The following XKR4 variants were observed in gnomAD, a reference collection of about 807,000 sequenced individuals.
The protein encoded by XKR4 is XK-related protein 4.
XKR4 carries 12 observed loss-of-function variants against 53.9 expected under a neutral mutation model. That is an observed-to-expected ratio of 0.22 (90% CI 0.14 to 0.36). XKR4 has a LOEUF of 0.36. Ranked by LOEUF, XKR4 falls within the 10% of genes least tolerant of loss-of-function variation. The pLI is 1.00. For missense variants in XKR4, 799 were observed against 859.5 expected (o/e 0.93, Z 0.88); for synonymous variants, 354 against 362.4 (o/e 0.98, Z 0.26).
intron 1 of XKR4, among the ~76,000 whole-genome samples, chr8:55,151,136 C>G (rs1009557020): frequency 9.2e-5 from 14 of 152,196 alleles, no homozygotes; most frequent in Non-Finnish European, 1.9e-4. Flanking sequence ...AGGTAATACA[C>G]ACCCCAAATC....
chr8:55,451,823 G>T, intron 2 of XKR4: 1 of 935,402 alleles, frequency 1.1e-6, no homozygotes. Flanking sequence ...TCCACCAGGA[G>T]GCTGCTCATG....
At chr8:55,429,094 A>G (rs1805061068) in intron 2 of XKR4, among the ~76,000 whole-genome samples, 1 of 152,228 alleles carries the variant, frequency 6.6e-6, no homozygotes, top group Non-Finnish European at 1.5e-5. Context: ...TATACCCACA[A>G]ATATATAGAC....
At chr8:55,383,378 G>A (rs1804263393) in intron 2 of XKR4, among the ~76,000 whole-genome samples, 1 of 152,140 alleles carries the variant, frequency 6.6e-6, no homozygotes, top group African/African-American at 2.4e-5. Flanking sequence ...CTGATTCTCA[G>A]TACATATAGC....
chr8:55,239,270 A>G (rs1489312921), intron 1 of XKR4, among the ~76,000 whole-genome samples: 2 of 152,200 alleles, frequency 1.3e-5, no homozygotes, highest in African/African-American at 2.4e-5. Flanking sequence ...TTATACATGA[A>G]GTATCTTGTT....
chr8:55,356,437 A>C (rs1447129781), intron 1 of XKR4, among the ~76,000 whole-genome samples: 1 of 152,220 alleles, frequency 6.6e-6, no homozygotes, highest in Non-Finnish European at 1.5e-5. Context: ...TTAAAAGGAC[A>C]TGGAAGGATA....
chr8:55,106,315 C>A (rs1816146095), intron 1 of XKR4, among the ~76,000 whole-genome samples: 1 of 152,104 alleles, frequency 6.6e-6, no homozygotes, highest in African/African-American at 2.4e-5. Flanking sequence ...TGTTACAATG[C>A]AACTGCTAAA....
intron 1 of XKR4, among the ~76,000 whole-genome samples, chr8:55,169,976 T>C (rs575599916): frequency 2.6e-5 from 4 of 152,372 alleles, no homozygotes; most frequent in South Asian, 2.1e-4. Context: ...CATTTTATAA[T>C]GTTGCATATA....
intron 1 of XKR4, among the ~76,000 whole-genome samples, chr8:55,268,845 A>C (rs1177468251): frequency 2.6e-5 from 4 of 152,208 alleles, no homozygotes; most frequent in Non-Finnish European, 5.9e-5. Flanking sequence ...GTGGTTCTAC[A>C]TAAATGAATT....
chr8:55,520,594 C>T (rs1404580440), intron 2 of XKR4, among the ~76,000 whole-genome samples: 1 of 152,180 alleles, frequency 6.6e-6, no homozygotes, highest in African/African-American at 2.4e-5. Context: ...TCATCATCAT[C>T]ATCATCAACA....
intron 2 of XKR4, among the ~76,000 whole-genome samples, chr8:55,390,438 G>A (rs766886872): frequency 6.6e-6 from 1 of 152,108 alleles, no homozygotes; most frequent in Admixed American, 6.6e-5. Flanking sequence ...CTGCATTTTT[G>A]TTCCATCAAC....
At chr8:55,482,455 G>C (rs554241628) in intron 2 of XKR4, among the ~76,000 whole-genome samples, 1 of 152,126 alleles carries the variant, frequency 6.6e-6, no homozygotes, top group South Asian at 2.1e-4. Context: ...TAAATGACGA[G>C]TTAATGGGTG....
chr8:55,406,339 A>T (rs1563342446), intron 2 of XKR4, among the ~76,000 whole-genome samples: 1 of 152,198 alleles, frequency 6.6e-6, no homozygotes, highest in African/African-American at 2.4e-5. Flanking sequence ...ACCTATCAGC[A>T]TTAACTGTGC....
chr8:55,520,227 A>G (rs529492782), intron 2 of XKR4, among the ~76,000 whole-genome samples: 1 of 152,354 alleles, frequency 6.6e-6, no homozygotes. Flanking sequence ...ATGACCCCAT[A>G]TTTTCTGTTC....
chr8:55,488,944 A>C lies in XKR4; in HGVS notation c.1007-34337A>C, dbSNP rs1441761363. On this transcript the variant is annotated intron_variant, in intron 2 of 2. Coordinates refer to ENST00000327381, the MANE Select transcript of XKR4 (RefSeq NM_052898.2). Reference sequence around the variant, plus strand: ...CAGAGCGAGACTCCGTTTCAAAAAAAAAAAAAAAAAAAAAAAAAAGACCAA... The same window carrying C: ...CAGAGCGAGACTCCGTTTCAAAAAACAAAAAAAAAAAAAAAAAAAGACCAA... Among the ~76,000 whole-genome samples the C allele has an allele frequency of 1.3e-5, 2 of 149,914 alleles. 1 individual carries two copies. Among genetic ancestry groups the C allele is most frequent in the African/African-American group, 4.9e-5 (2 of 40,562 alleles).
At chr8:55,515,519 T>C (rs569943547) in intron 2 of XKR4, among the ~76,000 whole-genome samples, 2 of 152,158 alleles carry the variant, frequency 1.3e-5, no homozygotes, top group Non-Finnish European at 2.9e-5. Flanking sequence ...ACTGCAGAAA[T>C]GGGAAACCAT....
At chr8:55,418,707 C>A (rs1009601814) in intron 2 of XKR4, among the ~76,000 whole-genome samples, 5 of 152,192 alleles carry the variant, frequency 3.3e-5, no homozygotes, top group African/African-American at 1.2e-4. Flanking sequence ...TCGGACCCTC[C>A]ATGACCCACC....
chr8:55,392,075 C>T (rs1418713786), intron 2 of XKR4, among the ~76,000 whole-genome samples: 2 of 152,140 alleles, frequency 1.3e-5, no homozygotes, highest in East Asian at 3.8e-4. Context: ...AAGTAAAAAG[C>T]TCATTAGTAT....
intron 1 of XKR4, among the ~76,000 whole-genome samples, chr8:55,290,500 G>T (rs1819003985): frequency 6.6e-6 from 1 of 152,088 alleles, no homozygotes; most frequent in South Asian, 2.1e-4. Flanking sequence ...TTCCATGGTG[G>T]TTTGTTGCAC....
chr8:55,363,843 C>T (rs935580652), intron 2 of XKR4, among the ~76,000 whole-genome samples: 1 of 152,104 alleles, frequency 6.6e-6, no homozygotes, highest in African/African-American at 2.4e-5. Context: ...TTGCTATTAT[C>T]GTAGTTAATT....
Sources: gnomAD v4.1 joint callset for allele counts (sites outside exome capture counted in the v4.1 genomes callset) on GRCh38, gnomAD v4.1.1 for gene constraint, MANE v1.5 for transcripts, NCBI Gene and HGNC (gene_info 2026-07-23, HGNC 2026-07-21) for gene names.